DNM3: variants seen among roughly 807,000 people sequenced by gnomAD.
DNM3 encodes dynamin-3.
Under a neutral mutation model 101.6 loss-of-function variants are expected in DNM3, and 47 were observed. That is an observed-to-expected ratio of 0.46 (90% confidence interval 0.37 to 0.59). The LOEUF is 0.59. DNM3 is among the 20% of genes least tolerant of loss of function. The probability of loss-of-function intolerance (pLI) is 0.00; values close to 1 mark genes in which losing one functional copy is unlikely to be tolerated. For missense variants in DNM3, 849 were observed against 1,085.7 expected (o/e 0.78, Z 3.06); for synonymous variants, 385 against 387.9 (o/e 0.99, Z 0.09).
chr1:172,021,307 CA>C, intron 4 of DNM3, among the ~76,000 whole-genome samples: 1 of 151,862 alleles, frequency 6.6e-6, no homozygotes, highest in South Asian at 2.1e-4. Context: ...GCTGTCTCTA[CA>C]ATTTTTTTTT....
intron 17 of DNM3, among the ~76,000 whole-genome samples, chr1:172,374,167 T>C (rs1300008923): frequency 6.6e-6 from 1 of 152,122 alleles, no homozygotes; most frequent in African/African-American, 2.4e-5. Context: ...AAATTTCTTC[T>C]GATTTTGTTT....
In DNM3 at chr1:171,921,808, T is replaced by C; in HGVS notation, c.222T>C (p.Val74=). Residue 74 remains valine, a synonymous_variant, in exon 2 of 21, where the codon GTT becomes GTC. Coordinates refer to ENST00000627582, the MANE Select transcript of DNM3 (RefSeq NM_015569.5). ...GACGACCTCTTGTGCTGCAGCTTGT[T>C]ACTTCTAAAGCAGGTAATGAATGAA... ...VTRRPLVLQL[V]TSKAEYAEFL... The C allele has an allele frequency of 1.2e-6, 2 of 1,601,828 alleles. No homozygotes were observed. Among genetic ancestry groups the C allele is most frequent in the South Asian group, 2.3e-5 (2 of 88,622 alleles).
At chr1:172,270,942 G>A (rs545612674) in intron 15 of DNM3, among the ~76,000 whole-genome samples, 1 of 152,226 alleles carries the variant, frequency 6.6e-6, no homozygotes, top group East Asian at 1.9e-4. Context: ...ACACCTCACT[G>A]AAATCTTTTA....
chr1:171,899,587 A>G (rs1218869275), intron 1 of DNM3, among the ~76,000 whole-genome samples: 1 of 152,228 alleles, frequency 6.6e-6, no homozygotes, highest in Non-Finnish European at 1.5e-5. Context: ...GAATGAGGTG[A>G]TAAAGAATAA....
chr1:172,012,272 C>T (rs1392948860), intron 4 of DNM3, among the ~76,000 whole-genome samples: 2 of 151,990 alleles, frequency 1.3e-5, no homozygotes, highest in African/African-American at 4.8e-5. Flanking sequence ...TAGTTAGATT[C>T]AGCAAAGGGA....
At chr1:171,945,964 G>A (rs961060871) in intron 2 of DNM3, among the ~76,000 whole-genome samples, 7 of 152,202 alleles carry the variant, frequency 4.6e-5, no homozygotes, top group Admixed American at 3.9e-4. Flanking sequence ...AGACCGACAT[G>A]GCTGGATCAT....
At chr1:172,356,197 T>C (rs754628925) in intron 17 of DNM3, among the ~76,000 whole-genome samples, 1 of 152,066 alleles carries the variant, frequency 6.6e-6, no homozygotes, top group African/African-American at 2.4e-5. Context: ...AAATGTACTT[T>C]AGGAAGAAGG....
At chr1:172,189,448 T>C (rs763347565) in intron 14 of DNM3, among the ~76,000 whole-genome samples, 4 of 152,054 alleles carry the variant, frequency 2.6e-5, no homozygotes, top group Admixed American at 6.6e-5. Flanking sequence ...TTGAGGAAAA[T>C]AGACATGTTA....
At chr1:172,136,923 T>C (rs2057264869) in intron 14 of DNM3, 2 of 152,132 alleles carry the variant, frequency 1.3e-5, no homozygotes, top group Admixed American at 6.5e-5. Flanking sequence ...TTTTTGAAAA[T>C]TGAGTAAAAA....
intron 13 of DNM3, among the ~76,000 whole-genome samples, chr1:172,116,574 C>A (rs1420254415): frequency 6.6e-6 from 1 of 152,176 alleles, no homozygotes; most frequent in African/African-American, 2.4e-5. Flanking sequence ...CTTCTTTCTC[C>A]CATAGCTGAG....
chr1:172,038,787 A>T (rs961460194), intron 7 of DNM3, among the ~76,000 whole-genome samples: 2 of 152,160 alleles, frequency 1.3e-5, no homozygotes, highest in South Asian at 2.1e-4. Flanking sequence ...ACAGATGCAA[A>T]TATCATTTGT....
chr1:172,396,090 G>T (rs1162114397), intron 20 of DNM3, among the ~76,000 whole-genome samples: 1 of 152,152 alleles, frequency 6.6e-6, no homozygotes, highest in Non-Finnish European at 1.5e-5. Flanking sequence ...TCACAGCCAC[G>T]CAATAGGCAA....
At chr1:172,117,413 T>C (rs2055990677) in intron 13 of DNM3, among the ~76,000 whole-genome samples, 2 of 152,104 alleles carry the variant, frequency 1.3e-5, no homozygotes, top group African/African-American at 4.8e-5. Flanking sequence ...GGGGAGGTAA[T>C]TGAATCATTG....
chr1:171,853,383 T>A (rs551468335), intron 1 of DNM3, among the ~76,000 whole-genome samples: 2 of 152,246 alleles, frequency 1.3e-5, no homozygotes, highest in South Asian at 4.2e-4. Context: ...TCCAGGCTGG[T>A]CTTGAACTCC....
chr1:172,253,025 T>TG (rs748775219), intron 14 of DNM3, among the ~76,000 whole-genome samples: 1 of 152,144 alleles, frequency 6.6e-6, no homozygotes, highest in African/African-American at 2.4e-5. Context: ...TCATAGTTTA[T>TG]GGGGGGTATT....
At chr1:172,011,356 T>C (rs79497773) in intron 4 of DNM3, among the ~76,000 whole-genome samples, 539 of 152,050 alleles carry the variant, frequency 3.5e-3, no homozygotes, top group African/African-American at 0.012. Flanking sequence ...AAAAAAGACA[T>C]AATGGGACCC....
At chr1:171,922,146 T>A (rs889165503) in intron 2 of DNM3, among the ~76,000 whole-genome samples, 3 of 134,058 alleles carry the variant, frequency 2.2e-5, no homozygotes, top group African/African-American at 8.5e-5. Context: ...TGTGTGTGTG[T>A]GTGTGTGTGC....
At chr1:172,405,316 A>T (rs1417658351) in intron 20 of DNM3, among the ~76,000 whole-genome samples, 1 of 152,032 alleles carries the variant, frequency 6.6e-6, no homozygotes, top group African/African-American at 2.4e-5. Flanking sequence ...TATTTGGGGG[A>T]CACTGGTAAT....
At chr1:172,151,867 T>A (rs2148233116) in intron 14 of DNM3, among the ~76,000 whole-genome samples, 1 of 152,114 alleles carries the variant, frequency 6.6e-6, no homozygotes, top group South Asian at 2.1e-4. Flanking sequence ...TGAGGATAAG[T>A]GGTATAAAAG....
Sources: allele counts gnomAD v4.1 joint callset (sites outside exome capture counted in the v4.1 genomes callset), GRCh38; gene constraint gnomAD v4.1.1; transcripts MANE v1.5; gene names NCBI Gene and HGNC (gene_info 2026-07-23, HGNC 2026-07-21).